The following IGSF11 variants were observed in gnomAD, a reference collection of about 807,000 sequenced individuals.
IGSF11 encodes immunoglobulin superfamily member 11.
Under a neutral mutation model 41.0 loss-of-function variants are expected in IGSF11, and 22 were observed. The ratio of observed to expected loss-of-function variants is 0.54; its 90% CI spans 0.38 to 0.77. IGSF11 has a LOEUF of 0.77. IGSF11 is among the 30% of genes least tolerant of loss of function. The probability of loss-of-function intolerance (pLI) is 0.00; values close to 1 mark genes in which losing one functional copy is unlikely to be tolerated. For missense variants in IGSF11, 444 were observed against 530.8 expected (o/e 0.84, Z 1.61); for synonymous variants, 219 against 201.3 (o/e 1.09, Z -0.74).
At position 119,117,810 on chromosome 3, in the gene IGSF11, T is replaced by C. The variant is rs116550992; in HGVS notation, c.-13-12605A>G. Among the ~76,000 whole-genome samples, 2,261 of 152,272 alleles carry C rather than the reference T, an allele frequency of 0.015. 90 individuals carry two copies. The East Asian group carries it at 0.15, about 10-fold the overall frequency. ...CCCAGATACAATGAGGGTACAGGAA[T>C]TGGGTAAATATTGCCATCCCAAATG... On this transcript the variant is annotated intron_variant, in intron 1 of 7. Transcript: ENST00000425327.
At chr3:119,060,301 C>A (rs1291976892) in intron 1 of IGSF11, among the ~76,000 whole-genome samples, 1 of 152,100 alleles carries the variant, frequency 6.6e-6, no homozygotes, top group East Asian at 1.9e-4. Context: ...AGGGTCCTAC[C>A]TAATGAGAGC....
intron 1 of IGSF11, among the ~76,000 whole-genome samples, chr3:118,958,595 T>C (rs980420520): frequency 7.9e-5 from 12 of 152,176 alleles, no homozygotes; most frequent in African/African-American, 2.9e-4. Flanking sequence ...GCACATTCAG[T>C]ATAATAAATT....
chr3:118,917,059 T>A (rs1326412543), intron 4 of IGSF11, among the ~76,000 whole-genome samples: 1 of 152,028 alleles, frequency 6.6e-6, no homozygotes. Context: ...TTGAAACCAA[T>A]GAGAACAAAG....
At chr3:119,116,922 C>G (rs775973716) in intron 1 of IGSF11, among the ~76,000 whole-genome samples, 22 of 152,080 alleles carry the variant, frequency 1.4e-4, no homozygotes, top group Non-Finnish European at 3.2e-4. Context: ...AAGCTTTGAC[C>G]CCCATGATTT....
chr3:118,979,128 G>C (rs115918296), intron 1 of IGSF11, among the ~76,000 whole-genome samples: 3,367 of 152,098 alleles, frequency 0.022, 56 homozygotes, highest in Non-Finnish European at 0.035. Context: ...AAGAATTCAT[G>C]GAATGAAATA....
intron 1 of IGSF11, among the ~76,000 whole-genome samples, chr3:118,937,542 T>C (rs1159452436): frequency 6.6e-6 from 1 of 152,146 alleles, no homozygotes; most frequent in Non-Finnish European, 1.5e-5. Context: ...TGAAATTCAA[T>C]TATATTTTGG....
intron 1 of IGSF11, among the ~76,000 whole-genome samples, chr3:119,085,812 T>C (rs2076661078): frequency 6.6e-6 from 1 of 152,148 alleles, no homozygotes. Context: ...TGAAGACCAG[T>C]TCTGTTAATG....
chr3:118,958,284 C>T (rs188321622), intron 1 of IGSF11, among the ~76,000 whole-genome samples: 6 of 152,190 alleles, frequency 3.9e-5, no homozygotes, highest in Middle Eastern at 3.4e-3. Context: ...GAAAGAAATA[C>T]GTGAAAGTTG....
At chr3:118,988,878 C>T (rs1559750101) in intron 1 of IGSF11, among the ~76,000 whole-genome samples, 2 of 152,194 alleles carry the variant, frequency 1.3e-5, no homozygotes, top group Non-Finnish European at 2.9e-5. Context: ...AACTGAAGCA[C>T]GTTACAACAT....
intron 1 of IGSF11, among the ~76,000 whole-genome samples, chr3:119,074,662 T>C (rs1343418800): frequency 6.0e-5 from 9 of 150,928 alleles, no homozygotes; most frequent in Non-Finnish European, 1.5e-5. Context: ...GAGACTATCC[T>C]GTGAATGGTG....
At chr3:119,135,458 A>G (rs1299885184) in intron 1 of IGSF11, among the ~76,000 whole-genome samples, 1 of 152,252 alleles carries the variant, frequency 6.6e-6, no homozygotes, top group Non-Finnish European at 1.5e-5. Flanking sequence ...AGACACATGA[A>G]AAAATGCTCA....
chr3:119,001,252 T>G (rs1936805464), intron 1 of IGSF11, among the ~76,000 whole-genome samples: 1 of 150,632 alleles, frequency 6.6e-6, no homozygotes, highest in African/African-American at 2.4e-5. Context: ...TTTTTCATAG[T>G]ACTTGCCGTC....
At chr3:119,093,424 T>C (rs542300544) in intron 1 of IGSF11, among the ~76,000 whole-genome samples, 3 of 151,644 alleles carry the variant, frequency 2.0e-5, no homozygotes, top group African/African-American at 4.8e-5. Context: ...TTTTTAAACC[T>C]GACCGTTAAA....
At chr3:119,077,017 C>T (rs996168996) in intron 1 of IGSF11, among the ~76,000 whole-genome samples, 1 of 152,138 alleles carries the variant, frequency 6.6e-6, no homozygotes, top group African/African-American at 2.4e-5. Context: ...TTGGAACCAA[C>T]CCAAATGTCC....
intron 1 of IGSF11, among the ~76,000 whole-genome samples, chr3:118,951,360 T>C (rs916003968): frequency 1.2e-4 from 18 of 152,152 alleles, no homozygotes; most frequent in African/African-American, 2.7e-4. Flanking sequence ...TAATCTAAAT[T>C]GAAACTTATA....
intron 1 of IGSF11, among the ~76,000 whole-genome samples, chr3:119,020,416 T>C (rs1448267937): frequency 6.6e-6 from 1 of 151,942 alleles, no homozygotes; most frequent in Non-Finnish European, 1.5e-5. Context: ...AGAACCACAC[T>C]CCAAAGAACA....
At chr3:119,022,143 T>G (rs1939354040) in intron 1 of IGSF11, among the ~76,000 whole-genome samples, 2 of 152,126 alleles carry the variant, frequency 1.3e-5, no homozygotes, top group South Asian at 4.1e-4. Flanking sequence ...GAATGAACCT[T>G]GAAAAAACAT....
intron 1 of IGSF11, among the ~76,000 whole-genome samples, chr3:118,958,713 C>G (rs939888809): frequency 6.6e-6 from 1 of 152,114 alleles, no homozygotes; most frequent in Non-Finnish European, 1.5e-5. Context: ...GATATAATGA[C>G]AAGGTCAGTC....
chr3:119,099,822 A>G, intron 1 of IGSF11, among the ~76,000 whole-genome samples: 1 of 152,350 alleles, frequency 6.6e-6, no homozygotes, highest in East Asian at 1.9e-4. Context: ...TTTGCTGTAT[A>G]TTAGTCCCTT....
Sources: gnomAD v4.1 joint callset for allele counts (sites outside exome capture counted in the v4.1 genomes callset) on GRCh38, gnomAD v4.1.1 for gene constraint, MANE v1.5 for transcripts, NCBI Gene and HGNC (gene_info 2026-07-23, HGNC 2026-07-21) for gene names.